RBM47: variants seen among roughly 807,000 people sequenced by gnomAD.
RBM47 encodes RNA binding motif protein 47.
RBM47 carries 21 observed loss-of-function variants against 47.1 expected under a neutral mutation model. The observed-to-expected ratio is 0.45, with a 90% CI of 0.32 to 0.64. RBM47 has a LOEUF of 0.64. Among genes scored for constraint, RBM47 ranks in the 30% least tolerant of loss-of-function variants. The pLI, the probability that RBM47 is intolerant of heterozygous loss-of-function variation, is 0.05. For synonymous variants in RBM47, 375 were observed against 361.7 expected (o/e 1.04, Z -0.42); for missense variants, 708 against 870.9 (o/e 0.81, Z 2.35).
chr4:40,511,934 CAAA>C (rs769931419), intron 2 of RBM47, among the ~76,000 whole-genome samples: 3 of 85,496 alleles, frequency 3.5e-5, no homozygotes, highest in African/African-American at 4.2e-5. Flanking sequence ...GACTCTGTCT[CAAA>C]AAAAAAAAAA....
chr4:40,571,077 G>T (rs57491065), intron 1 of RBM47, among the ~76,000 whole-genome samples: 2 of 151,948 alleles, frequency 1.3e-5, no homozygotes, highest in African/African-American at 4.8e-5. Context: ...TTAACAGGGC[G>T]TGGTGGTACA....
At chr4:40,579,851 G>T (rs1286486997) in intron 1 of RBM47, among the ~76,000 whole-genome samples, 1 of 151,962 alleles carries the variant, frequency 6.6e-6, no homozygotes, top group Non-Finnish European at 1.5e-5. Flanking sequence ...TGGCTCAAGG[G>T]ATCCTCCTAC....
chr4:40,602,642 G>GT (rs1219549320), intron 1 of RBM47, among the ~76,000 whole-genome samples: 2 of 129,654 alleles, frequency 1.5e-5, no homozygotes, highest in African/African-American at 6.8e-5. Context: ...GTGAGAATCC[G>GT]TTTAAAAAAA....
intron 2 of RBM47, among the ~76,000 whole-genome samples, chr4:40,515,279 T>C (rs745570551): frequency 1.3e-5 from 2 of 152,198 alleles, no homozygotes; most frequent in Non-Finnish European, 2.9e-5. Context: ...AGGGATGATC[T>C]ATCTGCCTGG....
At chr4:40,539,673 G>T (rs1219405314) in intron 2 of RBM47, among the ~76,000 whole-genome samples, 1 of 134,684 alleles carries the variant, frequency 7.4e-6, no homozygotes, top group Non-Finnish European at 1.5e-5. Context: ...CTGAGAGGCA[G>T]AGGTTGCAGT....
intron 1 of RBM47, among the ~76,000 whole-genome samples, chr4:40,612,503 G>A (rs1356675450): frequency 6.6e-6 from 1 of 152,202 alleles, no homozygotes; most frequent in South Asian, 2.1e-4. Context: ...GGGCAAGAGA[G>A]CCAGACTCTG....
intron 1 of RBM47, among the ~76,000 whole-genome samples, chr4:40,571,644 G>A (rs760076620): frequency 6.6e-6 from 1 of 151,974 alleles, no homozygotes; most frequent in Non-Finnish European, 1.5e-5. Context: ...TGGGAGGAGG[G>A]TGCGGGATAA....
chr4:40,573,807 A>AAAAG (rs1553903538), intron 1 of RBM47, among the ~76,000 whole-genome samples: 3,342 of 136,756 alleles, frequency 0.024, 71 homozygotes, highest in Middle Eastern at 0.05. Flanking sequence ...GAAAGAAAGA[A>AAAAG]AAAGAAAGAA....
chr4:40,457,107 T>C (rs1395004843), intron 3 of RBM47, among the ~76,000 whole-genome samples: 1 of 152,084 alleles, frequency 6.6e-6, no homozygotes, highest in Non-Finnish European at 1.5e-5. Flanking sequence ...ATATAAAAGA[T>C]AGAATTTTAA....
intron 1 of RBM47, among the ~76,000 whole-genome samples, chr4:40,626,988 A>G (rs1036677269): frequency 3.3e-5 from 5 of 152,178 alleles, no homozygotes; most frequent in African/African-American, 1.2e-4. Flanking sequence ...CTGCATTGCT[A>G]TTATTGAAAA....
chr4:40,437,658 A>G, intron 4 of RBM47, 113 bp downstream of exon 4: 2 of 1,115,848 alleles, frequency 1.8e-6, no homozygotes, highest in Non-Finnish European at 2.6e-6. Context: ...CGGGGGTGGG[A>G]GGGCCTTCAG....
intron 1 of RBM47, among the ~76,000 whole-genome samples, chr4:40,560,933 T>G (rs966846864): frequency 2.6e-5 from 4 of 151,314 alleles, no homozygotes; most frequent in Admixed American, 2.6e-4. Flanking sequence ...CCACTGCACT[T>G]CAGCCTGGGC....
chr4:40,578,192 A>T (rs1732518693), intron 1 of RBM47, among the ~76,000 whole-genome samples: 1 of 152,218 alleles, frequency 6.6e-6, no homozygotes, highest in Non-Finnish European at 1.5e-5. Context: ...TCAAATCTTT[A>T]ATTGGCATAA....
chr4:40,540,036 G>A (rs1292018044), intron 2 of RBM47, among the ~76,000 whole-genome samples: 1 of 152,074 alleles, frequency 6.6e-6, no homozygotes, highest in Non-Finnish European at 1.5e-5. Flanking sequence ...GAAAGGGTAA[G>A]GACTCCAAAT....
intron 2 of RBM47, among the ~76,000 whole-genome samples, chr4:40,474,740 A>C (rs1453845943): frequency 2.6e-5 from 4 of 152,232 alleles, no homozygotes; most frequent in African/African-American, 4.8e-5. Context: ...GGCAAAAAGC[A>C]ATCAGGGAAA....
chr4:40,517,477 C>G (rs143521169), intron 2 of RBM47, among the ~76,000 whole-genome samples: 155 of 152,232 alleles, frequency 1.0e-3, no homozygotes, highest in African/African-American at 3.4e-3. Context: ...CACCTCTGCA[C>G]CCCCTGGCAT....
chr4:40,444,016 T>A (rs1387380257), intron 3 of RBM47, among the ~76,000 whole-genome samples: 1 of 151,952 alleles, frequency 6.6e-6, no homozygotes, highest in African/African-American at 2.4e-5. Flanking sequence ...CTGGGCAACA[T>A]GGCAAAACCC....
chr4:40,604,167 G>A (rs1735525083), intron 1 of RBM47, among the ~76,000 whole-genome samples: 1 of 152,204 alleles, frequency 6.6e-6, no homozygotes, highest in Non-Finnish European at 1.5e-5. Context: ...CAGTCTGGTA[G>A]GGACAAACTA....
At chr4:40,518,840 T>G (rs1725888265) in intron 2 of RBM47, among the ~76,000 whole-genome samples, 1 of 151,972 alleles carries the variant, frequency 6.6e-6, no homozygotes, top group Non-Finnish European at 1.5e-5. Flanking sequence ...GCTTATGAAT[T>G]TGTGTTGGGC....
Sources: gnomAD v4.1 joint callset for allele counts (sites outside exome capture counted in the v4.1 genomes callset) on GRCh38, gnomAD v4.1.1 for gene constraint, MANE v1.5 for transcripts, NCBI Gene and HGNC (gene_info 2026-07-23, HGNC 2026-07-21) for gene names.